TMPRSS11F: variants seen among roughly 807,000 people sequenced by gnomAD.
TMPRSS11F encodes the protein transmembrane serine protease 11F, also known as transmembrane protease serine 11F.
In TMPRSS11F, 47 loss-of-function variants were observed where a neutral mutation model predicts 60.2. That is an observed-to-expected ratio of 0.78 (90% CI 0.62 to 1.00). The LOEUF (loss-of-function observed/expected upper bound fraction) is 1.00. TMPRSS11F is among the 50% of genes least tolerant of loss of function. The pLI is 0.00. For missense variants in TMPRSS11F, 519 were observed against 522.9 expected (o/e 0.99, Z 0.07); for synonymous variants, 166 against 167.3 (o/e 0.99, Z 0.06).
chr4:68,072,225 A>ATT (rs61052562), intron 5 of TMPRSS11F, 98 bp downstream of exon 5: 4 of 93,898 alleles, frequency 4.3e-5, no homozygotes, highest in Non-Finnish European at 7.8e-5. Context: ...ATCTTCCAAA[A>ATT]AAAAAATATA....
chr4:68,123,613 A>G (rs1157457336), intron 1 of TMPRSS11F, among the ~76,000 whole-genome samples: 2 of 152,208 alleles, frequency 1.3e-5, no homozygotes, highest in East Asian at 3.8e-4. Context: ...TTGAGATTGG[A>G]AATTAAAGTA....
chr4:68,090,191 A>C (rs1723895208), intron 3 of TMPRSS11F, among the ~76,000 whole-genome samples: 1 of 152,046 alleles, frequency 6.6e-6, no homozygotes, highest in South Asian at 2.1e-4. Context: ...TGATTGTGGC[A>C]ACTCTATATT....
At chr4:68,089,552 G>A (rs1458707892) in intron 3 of TMPRSS11F, among the ~76,000 whole-genome samples, 1 of 152,038 alleles carries the variant, frequency 6.6e-6, no homozygotes, top group Non-Finnish European at 1.5e-5. Flanking sequence ...TTAATTCCAG[G>A]AACATTATTT....
At chr4:68,115,255 G>T (rs1724492686) in intron 1 of TMPRSS11F, among the ~76,000 whole-genome samples, 1 of 150,918 alleles carries the variant, frequency 6.6e-6, no homozygotes. Context: ...TACTCAGGAG[G>T]CTGAGGCAGG....
chr4:68,103,845 T>G (rs1008674715), intron 1 of TMPRSS11F, among the ~76,000 whole-genome samples: 9 of 152,170 alleles, frequency 5.9e-5, no homozygotes, highest in African/African-American at 2.2e-4. Context: ...TTTGTAGTTT[T>G]GGCATACAGA....
intron 1 of TMPRSS11F, among the ~76,000 whole-genome samples, chr4:68,122,907 A>G (rs1395241649): frequency 6.6e-6 from 1 of 152,206 alleles, no homozygotes. Context: ...ATCAGAAATA[A>G]TACCTACTTC....
chr4:68,129,324 A>G (rs537237519), intron 1 of TMPRSS11F, among the ~76,000 whole-genome samples: 1 of 152,188 alleles, frequency 6.6e-6, no homozygotes, highest in South Asian at 2.1e-4. Context: ...TAATCATTTC[A>G]CTCATGATAT....
chr4:68,121,097 T>C (rs753039339), intron 1 of TMPRSS11F, among the ~76,000 whole-genome samples: 6 of 152,254 alleles, frequency 3.9e-5, no homozygotes, highest in Non-Finnish European at 8.8e-5. Flanking sequence ...CCTCCCCTTC[T>C]ATATGACCCA....
At chr4:68,063,544 T>A (rs77706459) in intron 8 of TMPRSS11F, among the ~76,000 whole-genome samples, 1 of 151,280 alleles carries the variant, frequency 6.6e-6, no homozygotes, top group Non-Finnish European at 1.5e-5. Flanking sequence ...GCCCTGTTAA[T>A]TTTTTTTTGT....
At chr4:68,118,535 A>C (rs966014157) in intron 1 of TMPRSS11F, among the ~76,000 whole-genome samples, 1 of 152,202 alleles carries the variant, frequency 6.6e-6, no homozygotes, top group Non-Finnish European at 1.5e-5. Flanking sequence ...TACTAATTAC[A>C]ATATATTTCT....
intron 1 of TMPRSS11F, among the ~76,000 whole-genome samples, chr4:68,122,610 T>C (rs1472076946): frequency 6.6e-6 from 1 of 152,162 alleles, no homozygotes; most frequent in Non-Finnish European, 1.5e-5. Flanking sequence ...TAAGTAATGT[T>C]TATGTCATTT....
At chr4:68,054,134 ACGTT>A in intron 9 of TMPRSS11F, 67 bp from the exon 10 acceptor site, 1 of 1,457,846 alleles carries the variant, frequency 6.9e-7, no homozygotes, top group Admixed American at 1.9e-5. Context: ...TTGTAATCTG[ACGTT>A]CACAGAGAAA....
intron 1 of TMPRSS11F, among the ~76,000 whole-genome samples, chr4:68,109,725 T>C (rs988647616): frequency 7.2e-5 from 11 of 152,186 alleles, no homozygotes; most frequent in Non-Finnish European, 1.6e-4. Context: ...TTTAATAACA[T>C]ATGACCAGTA....
In TMPRSS11F at chr4:68,085,412, G is replaced by T. The variant is rs542918576; in HGVS notation, c.282+5111C>A. On this transcript the variant is annotated intron_variant, in intron 3 of 9. Transcript: ENST00000356291. The stretch of plus-strand genomic sequence containing the variant: ...CCAGCACCTGTTGTTTCCTGACTTT[G>T]TAATGATTGCCATTCTAACTGGTGT... 6.9e-3 allele frequency among the ~76,000 whole-genome samples: 1,054 copies of T among 151,940 alleles called. 4 individuals are homozygous for T. Among genetic ancestry groups the T allele is most frequent in the Non-Finnish European group, 0.012 (821 of 67,892 alleles).
chr4:68,088,054 A>G (rs1165946158), intron 3 of TMPRSS11F, among the ~76,000 whole-genome samples: 2 of 151,880 alleles, frequency 1.3e-5, no homozygotes, highest in East Asian at 3.9e-4. Context: ...TGAACTCAGC[A>G]TTTCTTATGG....
At chr4:68,094,516 T>A (rs532573813) in intron 2 of TMPRSS11F, among the ~76,000 whole-genome samples, 103 of 149,486 alleles carry the variant, frequency 6.9e-4, no homozygotes, top group Admixed American at 1.4e-3. Context: ...AACCTGCACA[T>A]TGTGAACATG....
At chr4:68,075,506 T>A (rs1723564978) in intron 3 of TMPRSS11F, among the ~76,000 whole-genome samples, 1 of 152,164 alleles carries the variant, frequency 6.6e-6, no homozygotes, top group East Asian at 1.9e-4. Flanking sequence ...TCTGTCTCTC[T>A]CTCTCTCTTT....
chr4:68,105,262 G>C (rs900310948), intron 1 of TMPRSS11F, among the ~76,000 whole-genome samples: 6 of 151,580 alleles, frequency 4.0e-5, no homozygotes, highest in African/African-American at 1.5e-4. Flanking sequence ...GGAAATGTTT[G>C]TTTTGCTGTA....
At chr4:68,087,723 T>G (rs1419670792) in intron 3 of TMPRSS11F, among the ~76,000 whole-genome samples, 1 of 149,254 alleles carries the variant, frequency 6.7e-6, no homozygotes. Flanking sequence ...ATTTATTTAT[T>G]TATTTATTAT....
Sources: allele counts gnomAD v4.1 joint callset (sites outside exome capture counted in the v4.1 genomes callset), GRCh38; gene constraint gnomAD v4.1.1; transcripts MANE v1.5; gene names NCBI Gene and HGNC (gene_info 2026-07-23, HGNC 2026-07-21).